Variants in B3GALT1 observed in about 807,000 individuals in gnomAD.
B3GALT1 encodes UDP-Gal:betaGlcNAc beta 1,3-galactosyltransferase, polypeptide 1.
In B3GALT1, 10 loss-of-function variants were observed where a neutral mutation model predicts 23.2. The observed-to-expected ratio is 0.43, with a 90% CI of 0.27 to 0.73. The LOEUF (loss-of-function observed/expected upper bound fraction) is 0.73, where lower values mean the gene tolerates loss of function less well. B3GALT1 is among the 30% of genes least tolerant of loss of function. The pLI is 0.21. For synonymous variants in B3GALT1, 156 were observed against 141.5 expected (o/e 1.10, Z -0.73); for missense variants, 299 against 405.4 (o/e 0.74, Z 2.25).
chr2:167,872,527 A>T lies in B3GALT1; in HGVS notation c.*2507A>T, dbSNP rs1398349244. The T allele has an allele frequency of 6.6e-6, 1 of 152,254 alleles. No individual in the cohort carries two copies. The highest frequency in any genetic ancestry group is 2.4e-5 in the African/African-American group (1 of 41,462). 9.4% of individuals were successfully genotyped at this position (152,254 alleles called of 1,614,324 possible). A position where few individuals can be genotyped will look rare whatever the true frequency, so the allele number is the denominator to read the frequency against. On this transcript the variant is annotated 3_prime_UTR_variant, in exon 5 of 5. Transcript: ENST00000392690. ...CACTGGGAAAGTCTCACGACTTCTT[A>T]CTTGGTTTACCTTCGAGTTGTGCAG...
At chr2:167,542,042 C>A (rs958186350) in intron 2 of B3GALT1, among the ~76,000 whole-genome samples, 2 of 151,988 alleles carry the variant, frequency 1.3e-5, no homozygotes, top group African/African-American at 4.8e-5. Flanking sequence ...TTTTTAAGTC[C>A]TTCTGAACCT....
chr2:167,476,809 TAAG>T (rs773118407), intron 1 of B3GALT1, among the ~76,000 whole-genome samples: 3 of 152,046 alleles, frequency 2.0e-5, no homozygotes, highest in African/African-American at 7.2e-5. Flanking sequence ...ATGGAATCAT[TAAG>T]AAGGAAATTA....
At chr2:167,529,322 C>CGAT (rs1480455610) in intron 2 of B3GALT1, among the ~76,000 whole-genome samples, 2 of 151,846 alleles carry the variant, frequency 1.3e-5, no homozygotes, top group African/African-American at 4.8e-5. Context: ...TCTTGCTAGG[C>CGAT]GATTTTCTTA....
At chr2:167,780,509 C>T (rs1303341003) in intron 3 of B3GALT1, among the ~76,000 whole-genome samples, 1 of 152,198 alleles carries the variant, frequency 6.6e-6, no homozygotes, top group Non-Finnish European at 1.5e-5. Context: ...ATTCCAACAA[C>T]ACTACTCTGC....
chr2:167,811,576 TCTC>T (rs1688889563), intron 3 of B3GALT1, among the ~76,000 whole-genome samples: 1 of 152,142 alleles, frequency 6.6e-6, no homozygotes, highest in Non-Finnish European at 1.5e-5. Flanking sequence ...CTTCAACAAA[TCTC>T]CTTGATCTTG....
intron 2 of B3GALT1, among the ~76,000 whole-genome samples, chr2:167,523,426 CT>C (rs35173184): frequency 0.43 from 60,067 of 140,932 alleles, 13,614 homozygotes; most frequent in East Asian, 0.97. Context: ...TTGTGTATCC[CT>C]TTTTTTTTTT....
intron 4 of B3GALT1, among the ~76,000 whole-genome samples, chr2:167,861,902 A>G (rs536376151): frequency 6.6e-6 from 1 of 152,142 alleles, no homozygotes; most frequent in Non-Finnish European, 1.5e-5. Flanking sequence ...TGCATCCTTC[A>G]TGAACAAATG....
intron 2 of B3GALT1, among the ~76,000 whole-genome samples, chr2:167,572,112 C>A (rs1481407446): frequency 6.6e-6 from 1 of 151,582 alleles, no homozygotes; most frequent in Admixed American, 6.6e-5. Context: ...AGCATAAATG[C>A]AGTTAGTAGA....
At chr2:167,433,199 T>A (rs1310347999) in intron 1 of B3GALT1, among the ~76,000 whole-genome samples, 1 of 152,168 alleles carries the variant, frequency 6.6e-6, no homozygotes, top group Non-Finnish European at 1.5e-5. Flanking sequence ...TGTAGCCCTT[T>A]TAGGTTGGCT....
At chr2:167,834,982 A>C (rs895083717) in intron 4 of B3GALT1, among the ~76,000 whole-genome samples, 9 of 152,186 alleles carry the variant, frequency 5.9e-5, no homozygotes, top group Admixed American at 5.9e-4. Context: ...TTTCACTGAA[A>C]ATGACAACTT....
At chr2:167,401,105 G>A (rs1698182564) in intron 1 of B3GALT1, among the ~76,000 whole-genome samples, 2 of 151,692 alleles carry the variant, frequency 1.3e-5, no homozygotes, top group Admixed American at 6.6e-5. Context: ...GCTTGGGGAG[G>A]GACTGTACAT....
intron 1 of B3GALT1, among the ~76,000 whole-genome samples, chr2:167,463,271 G>T (rs1376017061): frequency 1.3e-5 from 2 of 151,964 alleles, no homozygotes; most frequent in African/African-American, 4.8e-5. Flanking sequence ...TCTCCATAAT[G>T]CCTAGCAGTA....
At chr2:167,665,104 A>G (rs1326918130) in intron 3 of B3GALT1, among the ~76,000 whole-genome samples, 1 of 152,014 alleles carries the variant, frequency 6.6e-6, no homozygotes, top group African/African-American at 2.4e-5. Context: ...TGGGTTTGTC[A>G]TAGTTAGCTC....
chr2:167,615,239 A>G (rs1685140239), intron 2 of B3GALT1, among the ~76,000 whole-genome samples: 1 of 152,042 alleles, frequency 6.6e-6, no homozygotes, highest in African/African-American at 2.4e-5. Flanking sequence ...CACAACATGG[A>G]TGAGCCTGGA....
chr2:167,502,725 T>C (rs1226285297), intron 2 of B3GALT1, among the ~76,000 whole-genome samples: 3 of 152,252 alleles, frequency 2.0e-5, no homozygotes, highest in Non-Finnish European at 4.4e-5. Context: ...ACTAGGCCCC[T>C]CTTTCAACAT....
At chr2:167,781,121 C>A (rs973334101) in intron 3 of B3GALT1, among the ~76,000 whole-genome samples, 2 of 152,254 alleles carry the variant, frequency 1.3e-5, no homozygotes, top group Non-Finnish European at 2.9e-5. Context: ...TGCAAAATTT[C>A]TCTTAATTGG....
intron 4 of B3GALT1, among the ~76,000 whole-genome samples, chr2:167,822,586 T>C (rs1404132170): frequency 6.6e-6 from 1 of 152,206 alleles, no homozygotes; most frequent in Admixed American, 6.5e-5. Flanking sequence ...TACACTTGAC[T>C]CTGAGTTGCC....
chr2:167,577,371 G>T (rs1253456429), intron 2 of B3GALT1, among the ~76,000 whole-genome samples: 1 of 151,786 alleles, frequency 6.6e-6, no homozygotes, highest in Non-Finnish European at 1.5e-5. Flanking sequence ...TCCCTTCTTT[G>T]TGCCCCTCAA....
intron 2 of B3GALT1, among the ~76,000 whole-genome samples, chr2:167,506,275 A>G (rs1275244503): frequency 6.6e-6 from 1 of 152,178 alleles, no homozygotes; most frequent in Admixed American, 6.5e-5. Context: ...ATTTTTCACC[A>G]TTGTATCAAT....
Sources: allele counts gnomAD v4.1 joint callset (sites outside exome capture counted in the v4.1 genomes callset), GRCh38; gene constraint gnomAD v4.1.1; transcripts MANE v1.5; gene names NCBI Gene and HGNC (gene_info 2026-07-23, HGNC 2026-07-21).